The following DCUN1D3 variants were observed in gnomAD, a reference collection of about 807,000 sequenced individuals.
DCUN1D3 encodes the protein DCN1-like protein 3.
In DCUN1D3, 6 loss-of-function variants were observed where a neutral mutation model predicts 24.8. The ratio of observed to expected loss-of-function variants is 0.24; its 90% CI spans 0.13 to 0.48. The LOEUF is 0.48. Among genes scored for constraint, DCUN1D3 ranks in the 20% least tolerant of loss-of-function variants. The probability of loss-of-function intolerance (pLI) is 0.99; values close to 1 mark genes in which losing one functional copy is unlikely to be tolerated. For missense variants in DCUN1D3, 258 were observed against 379.4 expected, an observed-to-expected ratio of 0.68 and a Z score of 2.66; for synonymous variants, 120 against 144.9, an observed-to-expected ratio of 0.83 and a Z score of 1.24.
Position 20,862,117 on chromosome 16 carries a change from T to C in DCUN1D3, c.422A>G (p.Lys141Arg), listed in dbSNP as rs745419737. Residue 141 changes from lysine to arginine, a missense_variant, in exon 2 of 3, where the codon AAA (lysine) becomes AGA (arginine). Coordinates refer to ENST00000324344, the MANE Select transcript of DCUN1D3 (RefSeq NM_173475.4). ...AGTGTTTGTGACTAACCTGGTGAAT[T>C]TGCACATGGTTGCAGCCTGGAACTT... is the stretch of plus-strand genomic sequence containing the variant. ...AWKFQAATMC[K>R]FTRKEFFDGC... 9.9e-6 allele frequency: 16 copies of C among 1,613,956 alleles called. No homozygotes were observed. The highest frequency in any genetic ancestry group is 5.0e-5 in the Admixed American group (3 of 60,002).
chr16:20,892,544 A>T (rs966708178), intron 1 of DCUN1D3, among the ~76,000 whole-genome samples: 1 of 152,208 alleles, frequency 6.6e-6, no homozygotes, highest in South Asian at 2.1e-4. Context: ...GATATTTTTT[A>T]AAAATAAGGA....
chr16:20,889,185 A>G lies in DCUN1D3; in HGVS notation c.-106+11019T>C, dbSNP rs535231742. On this transcript the variant is annotated intron_variant, in intron 1 of 2. Coordinates refer to ENST00000324344, the MANE Select transcript of DCUN1D3 (RefSeq NM_173475.4). ...GGTTGCAGTGAGCTGAGATCGCACCACTGCACTCCAGCCTAGGTGACAAAG... is the reference window on the plus strand; with the variant it reads ...GGTTGCAGTGAGCTGAGATCGCACCGCTGCACTCCAGCCTAGGTGACAAAG... Among the ~76,000 whole-genome samples, 208 of 148,642 alleles carry G rather than the reference A, an allele frequency of 1.4e-3. 1 individual carries two copies. Among genetic ancestry groups the G allele is most frequent in the Non-Finnish European group, 1.8e-3 (120 of 67,420 alleles).
intron 1 of DCUN1D3, among the ~76,000 whole-genome samples, chr16:20,864,270 T>C (rs1443838859): frequency 1.3e-5 from 2 of 152,144 alleles, no homozygotes; most frequent in Non-Finnish European, 2.9e-5. Context: ...ATCCAGCATC[T>C]ATAAGGAACT....
At chr16:20,867,732 C>A (rs959936733) in intron 1 of DCUN1D3, among the ~76,000 whole-genome samples, 1 of 152,190 alleles carries the variant, frequency 6.6e-6, no homozygotes, top group Non-Finnish European at 1.5e-5. Flanking sequence ...CTGTTGGAAG[C>A]CCCAACTTAC....
At chr16:20,882,716 C>A (rs1298006821) in intron 1 of DCUN1D3, among the ~76,000 whole-genome samples, 2 of 152,240 alleles carry the variant, frequency 1.3e-5, no homozygotes, top group Non-Finnish European at 2.9e-5. Flanking sequence ...AAACACATTT[C>A]TTCTTCCTGA....
intron 1 of DCUN1D3, among the ~76,000 whole-genome samples, chr16:20,883,380 G>A (rs910374113): frequency 1.3e-5 from 2 of 152,150 alleles, no homozygotes; most frequent in African/African-American, 4.8e-5. Flanking sequence ...GGGCATGGTG[G>A]CGGGCACCTG....
intron 1 of DCUN1D3, among the ~76,000 whole-genome samples, chr16:20,883,369 C>T (rs563340376): frequency 2.6e-5 from 4 of 152,148 alleles, no homozygotes; most frequent in African/African-American, 4.8e-5. Flanking sequence ...AACATTTAGC[C>T]GGGCATGGTG....
rs2081697725 is a variant in DCUN1D3, at chr16:20,855,439, A to C, written c.*4447T>G. The stretch of plus-strand genomic sequence containing the variant: ...TGAATGGCTTCCTTTGGCAATATCC[A>C]AGATTTGTGTTGAAAGGAGCAGGGA... On this transcript the variant is annotated 3_prime_UTR_variant, in exon 3 of 3. Transcript: ENST00000324344. 6.6e-6 allele frequency: 1 copy of C among 152,304 alleles called. No homozygotes were observed. The highest frequency in any genetic ancestry group is 1.5e-5 in the Non-Finnish European group (1 of 68,076). The allele number at this position is 152,304 out of a possible 1,614,324, so 9.4% of individuals were successfully genotyped here.
chr16:20,862,911 A>G (rs2081741157), intron 1 of DCUN1D3, among the ~76,000 whole-genome samples: 1 of 152,220 alleles, frequency 6.6e-6, no homozygotes, highest in Admixed American at 6.5e-5. Context: ...ATTCATATGT[A>G]GAATGCATCA....
At position 20,860,245 on chromosome 16, in the gene DCUN1D3, T is replaced by C. The variant is rs764140413; in HGVS notation, c.556A>G (p.Thr186Ala). Residue 186 changes from threonine to alanine, a missense_variant, in exon 3 of 3, where the codon ACA becomes GCA. By Grantham distance (58) the Thr-to-Ala change is moderately conservative (BLOSUM62 0). Transcript: ENST00000324344. This position sits in a 1 kb window ranked among gnomAD's most constrained non-coding sequence, Gnocchi z 4.3. ...EDKFKDLYRF[T>A]FQFGLDSEEG... ...TCAGAGTCCAGGCCAAACTGAAATG[T>C]AAACCGGTAGAGATCCTTGAATTTA... The C allele has an allele frequency of 1.9e-6, 3 of 1,614,122 alleles. No individual in the cohort carries two copies. Among genetic ancestry groups the C allele is most frequent in the South Asian group, 2.2e-5 (2 of 91,092 alleles).
intron 1 of DCUN1D3, among the ~76,000 whole-genome samples, chr16:20,871,735 A>G (rs2081789241): frequency 6.6e-6 from 1 of 152,212 alleles, no homozygotes; most frequent in Non-Finnish European, 1.5e-5. Context: ...ATAACTCAAA[A>G]TAACCAAAAA....
At position 20,857,636 on chromosome 16, in the gene DCUN1D3, C is replaced by T. The variant is rs1351048450; in HGVS notation, c.*2250G>A. The T allele has an allele frequency of 1.3e-5, 2 of 152,132 alleles. No individual in the cohort carries two copies. The highest frequency in any genetic ancestry group is 2.9e-5 in the Non-Finnish European group (2 of 68,036). 9.4% of individuals were successfully genotyped at this position (152,132 alleles called of 1,614,324 possible). A position where few individuals can be genotyped will look rare whatever the true frequency, so the allele number is the denominator to read the frequency against. On this transcript the variant is annotated 3_prime_UTR_variant, in exon 3 of 3. Transcript: ENST00000324344. ...CTTTTTAAAACCTCAGTCTGGGTACCCAGCTACAACTGATCCCACAGAACC... is the reference window on the plus strand; with the variant it reads ...CTTTTTAAAACCTCAGTCTGGGTACTCAGCTACAACTGATCCCACAGAACC...
In DCUN1D3 at chr16:20,863,884, T is replaced by C. The variant is rs555972371; in HGVS notation, c.-105-1241A>G. ...CAAGCAATGGGGAAAAGACTCCCTA[T>C]TCAATAAATGGTGCTGGGATAACCG... On this transcript the variant is annotated intron_variant, in intron 1 of 2. Transcript: ENST00000324344. Among the ~76,000 whole-genome samples the C allele has an allele frequency of 6.6e-5, 10 of 152,300 alleles. No individual in the cohort carries two copies. The South Asian group carries it at 1.9e-3, about 28-fold the overall frequency.
At chr16:20,879,228 C>G (rs2081830604) in intron 1 of DCUN1D3, among the ~76,000 whole-genome samples, 1 of 152,140 alleles carries the variant, frequency 6.6e-6, no homozygotes, top group African/African-American at 2.4e-5. Flanking sequence ...ATCACACTAC[C>G]ACATGACTTC....
chr16:20,873,711 G>A (rs1215932658), intron 1 of DCUN1D3, among the ~76,000 whole-genome samples: 2 of 152,150 alleles, frequency 1.3e-5, no homozygotes, highest in African/African-American at 2.4e-5. Context: ...GGCCTCACAT[G>A]CCCCTGGCTT....
chr16:20,876,210 GC>G (rs1305025698), intron 1 of DCUN1D3, among the ~76,000 whole-genome samples: 1 of 151,924 alleles, frequency 6.6e-6, no homozygotes, highest in Non-Finnish European at 1.5e-5. Context: ...CAGGTGATCC[GC>G]CTGCCTCAGC....
intron 1 of DCUN1D3, among the ~76,000 whole-genome samples, chr16:20,867,979 C>T (rs2081770692): frequency 6.6e-6 from 1 of 152,218 alleles, no homozygotes; most frequent in Non-Finnish European, 1.5e-5. Context: ...TCTGCTGTGC[C>T]CAACGGACAA....
chr16:20,856,606 A>G lies in DCUN1D3; in HGVS notation c.*3280T>C, dbSNP rs1262890593. 1 of 152,176 alleles carries G rather than the reference A, an allele frequency of 6.6e-6. No individual in the cohort carries two copies. The highest frequency in any genetic ancestry group is 6.5e-5 in the Admixed American group (1 of 15,278). The allele number at this position is 152,176 out of a possible 1,614,324, so 9.4% of individuals were successfully genotyped here. A position where few individuals can be genotyped will look rare whatever the true frequency, so the allele number is the denominator to read the frequency against. ...ATCTTCCCTTATCAGAAGGGCAGAC[A>G]TGGTTTCCTGGACCCAACTCACACA... On this transcript the variant is annotated 3_prime_UTR_variant, in exon 3 of 3. Transcript: ENST00000324344.
chr16:20,896,124 T>G (rs1191025161), intron 1 of DCUN1D3, among the ~76,000 whole-genome samples: 1 of 152,252 alleles, frequency 6.6e-6, no homozygotes, highest in African/African-American at 2.4e-5. Context: ...TAAGGTAGGC[T>G]AGGCTAAGCT....
Sources: allele counts gnomAD v4.1 joint callset (sites outside exome capture counted in the v4.1 genomes callset), GRCh38; gene constraint gnomAD v4.1.1; non-coding constraint Gnocchi (gnomAD v3.1); transcripts MANE v1.5; gene names NCBI Gene and HGNC (gene_info 2026-07-23, HGNC 2026-07-21).